Variants in TRAPPC8 observed in about 807,000 individuals in gnomAD.
The protein encoded by TRAPPC8 is general sporulation gene 1 homolog.
Under a neutral mutation model 174.3 loss-of-function variants are expected in TRAPPC8, and 54 were observed. The ratio of observed to expected loss-of-function variants is 0.31; its 90% CI spans 0.25 to 0.39. The LOEUF is 0.39. TRAPPC8 is among the 10% of genes least tolerant of loss of function. The pLI is 1.00. For missense variants in TRAPPC8, 1,531 were observed against 1,699.1 expected (o/e 0.90, Z 1.74); for synonymous variants, 630 against 579.9 (o/e 1.09, Z -1.24).
At chr18:31,921,441 CTG>C (rs1328378712) in intron 2 of TRAPPC8, among the ~76,000 whole-genome samples, 3 of 151,978 alleles carry the variant, frequency 2.0e-5, no homozygotes, top group Admixed American at 2.0e-4. Flanking sequence ...TGGAGAAACC[CTG>C]TCTCTACTAA....
rs189887976 is a variant in TRAPPC8 at position 31,917,120 on chromosome 18, G to A, written c.442+458C>T. 6.1e-3 allele frequency among the ~76,000 whole-genome samples: 848 copies of A among 140,002 alleles called. 5 individuals carry two copies. Among genetic ancestry groups the A allele is most frequent in the Admixed American group, 9.3e-3 (135 of 14,558 alleles). 91.8% of individuals were successfully genotyped at this position (140,002 alleles called of 152,430 possible). A position where few individuals can be genotyped will look rare whatever the true frequency, so the allele number is the denominator to read the frequency against. On this transcript the variant is annotated intron_variant, in intron 3 of 28. Coordinates refer to ENST00000283351, the MANE Select transcript of TRAPPC8 (RefSeq NM_014939.5). ...AATTTCATCCTACCTCTTAACTTTC[G>A]TCAGTAACCGCATTAAGAAAACTAA...
chr18:31,890,998 A>G, intron 11 of TRAPPC8, 132 bp from the exon 12 acceptor site: 6 of 727,532 alleles, frequency 8.2e-6, no homozygotes, highest in Non-Finnish European at 1.2e-5. Context: ...ATGAGGGCAA[A>G]GATCAAGGGG....
chr18:31,861,609 A>G (rs1469751617), intron 19 of TRAPPC8, among the ~76,000 whole-genome samples: 1 of 152,144 alleles, frequency 6.6e-6, no homozygotes, highest in Admixed American at 6.5e-5. Flanking sequence ...AACAATCTTA[A>G]TAACTGAAGA....
intron 11 of TRAPPC8, chr18:31,896,306 A>G (rs968498543): frequency 6.6e-6 from 1 of 152,154 alleles, no homozygotes; most frequent in Non-Finnish European, 1.5e-5. Context: ...CAACAAAAGA[A>G]AGAGAGAGAA....
Position 31,942,850 on chromosome 18 carries a change from CGCCG to C in TRAPPC8, c.-90_-87del, listed in dbSNP as rs1234396005. The C allele has an allele frequency of 3.2e-6, 4 of 1,261,386 alleles. No homozygotes were observed. The highest frequency in any genetic ancestry group is 1.6e-5 in the African/African-American group (1 of 64,454). 78.1% of individuals were successfully genotyped at this position (1,261,386 alleles called of 1,614,324 possible). ...GGCTGCAGCAGCTACCGCCGCCGCC[CGCCG>C]GCCTGGCCCGGCCGGGCGGGGCCCC... On this transcript the variant is annotated 5_prime_UTR_variant, in exon 1 of 29. Transcript: ENST00000283351.
intron 28 of TRAPPC8, 135 bp downstream of exon 28, chr18:31,831,949 G>T: frequency 1.9e-6 from 1 of 526,824 alleles, no homozygotes. Flanking sequence ...ACATCTGTAA[G>T]CCTTCTATAT....
chr18:31,933,961 G>A (rs765493067), intron 1 of TRAPPC8, among the ~76,000 whole-genome samples: 1 of 152,070 alleles, frequency 6.6e-6, no homozygotes, highest in Non-Finnish European at 1.5e-5. Context: ...GCTGAAGCGG[G>A]CGGAACACTT....
intron 1 of TRAPPC8, among the ~76,000 whole-genome samples, chr18:31,939,077 C>T (rs556861143): frequency 2.0e-4 from 17 of 84,188 alleles, no homozygotes; most frequent in African/African-American, 6.5e-4. Context: ...AGCGAGACTC[C>T]GTCTCAAAAA....
intron 18 of TRAPPC8, among the ~76,000 whole-genome samples, chr18:31,865,029 T>C (rs935594849): frequency 1.1e-4 from 17 of 152,076 alleles, no homozygotes; most frequent in Admixed American, 3.9e-4. Context: ...CATTACTCAA[T>C]AGGAAGCCCT....
intron 9 of TRAPPC8, among the ~76,000 whole-genome samples, chr18:31,906,740 A>G (rs868118095): frequency 1.3e-5 from 2 of 152,250 alleles, no homozygotes; most frequent in African/African-American, 4.8e-5. Context: ...TTTGTAATCA[A>G]TTACAAAACT....
intron 2 of TRAPPC8, among the ~76,000 whole-genome samples, chr18:31,918,843 A>G (rs1167869859): frequency 6.6e-6 from 1 of 152,234 alleles, no homozygotes; most frequent in Non-Finnish European, 1.5e-5. Flanking sequence ...GAACTTACGT[A>G]AAACTTAGTG....
At chr18:31,905,497 G>A (rs1382634332) in intron 9 of TRAPPC8, among the ~76,000 whole-genome samples, 2 of 152,056 alleles carry the variant, frequency 1.3e-5, no homozygotes, top group Non-Finnish European at 2.9e-5. Flanking sequence ...CAGCTCCATC[G>A]GTTGGGAACT....
chr18:31,913,702 TA>T (rs1487354168), intron 4 of TRAPPC8, among the ~76,000 whole-genome samples, 180 bp from the exon 5 acceptor site: 1 of 152,152 alleles, frequency 6.6e-6, no homozygotes, highest in African/African-American at 2.4e-5. Flanking sequence ...CAGAATAACC[TA>T]AAAGCGAAAA....
intron 9 of TRAPPC8, among the ~76,000 whole-genome samples, chr18:31,901,483 G>A (rs2036423612): frequency 1.3e-5 from 2 of 152,100 alleles, no homozygotes; most frequent in African/African-American, 4.8e-5. Context: ...TCCAATTTCT[G>A]AACACCCTCT....
chr18:31,915,280 G>A (rs1344389053), intron 4 of TRAPPC8, among the ~76,000 whole-genome samples: 3 of 150,626 alleles, frequency 2.0e-5, no homozygotes, highest in East Asian at 4.0e-4. Context: ...GGCCTACGTG[G>A]TGAAACCCTA....
intron 26 of TRAPPC8, among the ~76,000 whole-genome samples, chr18:31,843,737 GCAAA>G (rs1441479694): frequency 6.6e-6 from 1 of 152,140 alleles, no homozygotes; most frequent in African/African-American, 2.4e-5. Flanking sequence ...AGTAAATAAA[GCAAA>G]CAAATTCAAC....
At chr18:31,857,099 T>C (rs2034062004) in intron 20 of TRAPPC8, among the ~76,000 whole-genome samples, 1 of 152,216 alleles carries the variant, frequency 6.6e-6, no homozygotes, top group Non-Finnish European at 1.5e-5. Flanking sequence ...TCTGTAAATA[T>C]GTACTGTTTT....
rs2033427674 is a variant in TRAPPC8, at chr18:31,846,746, T to G, written c.3807A>C (p.Gly1269=). Residue 1269 remains glycine, a synonymous_variant, in exon 26 of 29, where the codon GGA becomes GGC. Coordinates refer to ENST00000283351, the MANE Select transcript of TRAPPC8 (RefSeq NM_014939.5). The stretch of plus-strand genomic sequence containing the variant: ...TCTGAGGATATGAAAAGGCTTCTTT[T>G]CCTATAGTGCGAAGAATAACATGAT... The part of the protein sequence containing the change: ...GQHHVILRTI[G]KEAFSYPQKQ... The G allele has an allele frequency of 8.1e-6, 13 of 1,612,754 alleles. No homozygotes were observed. The highest frequency in any genetic ancestry group is 1.0e-5 in the Non-Finnish European group (12 of 1,179,028).
intron 19 of TRAPPC8, among the ~76,000 whole-genome samples, chr18:31,862,203 T>A (rs1164143324): frequency 1.3e-5 from 2 of 152,280 alleles, no homozygotes; most frequent in East Asian, 3.9e-4. Context: ...CATCAGCTTT[T>A]TAACTCCTAG....
Sources: gnomAD v4.1 joint callset for allele counts (sites outside exome capture counted in the v4.1 genomes callset) on GRCh38, gnomAD v4.1.1 for gene constraint, MANE v1.5 for transcripts, NCBI Gene and HGNC (gene_info 2026-07-23, HGNC 2026-07-21) for gene names.